The following CRK variants were observed in gnomAD, a reference collection of about 807,000 sequenced individuals.
CRK encodes the protein CRK proto-oncogene, adaptor protein.
Under a neutral mutation model 29.8 loss-of-function variants are expected in CRK, and 4 were observed. That is an observed-to-expected ratio of 0.13 (90% confidence interval 0.07 to 0.31). The LOEUF (loss-of-function observed/expected upper bound fraction) is 0.31, where lower values mean the gene tolerates loss of function less well. Ranked by LOEUF, CRK falls within the 10% of genes least tolerant of loss-of-function variation. The probability of loss-of-function intolerance (pLI) is 1.00; values close to 1 mark genes in which losing one functional copy is unlikely to be tolerated. For synonymous variants in CRK, 153 were observed against 164.9 expected (o/e 0.93, Z 0.55); for missense variants, 274 against 396.5 (o/e 0.69, Z 2.62).
intron 2 of CRK, among the ~76,000 whole-genome samples, chr17:1,430,518 G>A (rs562007947): frequency 1.0e-4 from 15 of 149,422 alleles, no homozygotes; most frequent in East Asian, 4.0e-4. Flanking sequence ...CACCACGTCC[G>A]GCTAATTTTT....
chr17:1,453,594 C>A (rs2074034846), intron 1 of CRK, among the ~76,000 whole-genome samples: 1 of 152,154 alleles, frequency 6.6e-6, no homozygotes, highest in Non-Finnish European at 1.5e-5. Flanking sequence ...CTTATAGACC[C>A]CATACTCATT....
In CRK at chr17:1,436,782, C is replaced by T. The variant is rs780378761; in HGVS notation, c.615G>A (p.Gln205=). 8.6e-5 allele frequency: 136 copies of T among 1,583,800 alleles called. No individual in the cohort carries two copies. The highest frequency in any genetic ancestry group is 1.1e-4 in the Non-Finnish European group (133 of 1,167,202). ...CCAGTGGCTGTGGGTGGGAACCCTC[C>T]TGGTTACCTCCAATCAGAGCCGATA... ...ASVSALIGGN[Q]EGSHPQPLGG... The change falls in exon 2 of 3, where the codon CAG becomes CAA. Residue 205 remains glutamine, a synonymous_variant. Coordinates refer to ENST00000300574, the MANE Select transcript of CRK (RefSeq NM_016823.4).
At chr17:1,454,880 T>C (rs982273439) in intron 1 of CRK, among the ~76,000 whole-genome samples, 5 of 152,124 alleles carry the variant, frequency 3.3e-5, no homozygotes, top group Non-Finnish European at 7.3e-5. Context: ...GGTAAGACAG[T>C]CAATCTCAGG....
At chr17:1,427,030 CAAAAAAAA>C (rs562515421) in intron 2 of CRK, among the ~76,000 whole-genome samples, 5 of 35,300 alleles carry the variant, frequency 1.4e-4, no homozygotes, top group African/African-American at 4.5e-4. Context: ...AAACTGTCTC[CAAAAAAAA>C]AAAAAAAAAA....
chr17:1,432,147 C>T (rs933749155), intron 2 of CRK, among the ~76,000 whole-genome samples: 5 of 152,148 alleles, frequency 3.3e-5, no homozygotes, highest in Admixed American at 1.3e-4. Flanking sequence ...GAGCTTCTTA[C>T]AGCTCTGTGG....
intron 2 of CRK, among the ~76,000 whole-genome samples, chr17:1,430,866 G>C (rs2073837629): frequency 6.6e-6 from 1 of 151,368 alleles, no homozygotes; most frequent in Non-Finnish European, 1.5e-5. Context: ...AGCAGATCGA[G>C]ACCATCCTGG....
chr17:1,442,260 T>C (rs2073941087), intron 1 of CRK, among the ~76,000 whole-genome samples: 1 of 151,540 alleles, frequency 6.6e-6, no homozygotes, highest in Non-Finnish European at 1.5e-5. Context: ...GCTCTAGTAA[T>C]CCTCCCACCT....
At chr17:1,450,874 G>GA (rs1176853106) in intron 1 of CRK, among the ~76,000 whole-genome samples, 2 of 151,450 alleles carry the variant, frequency 1.3e-5, no homozygotes, top group Admixed American at 1.3e-4. Context: ...CAACAAGAGC[G>GA]AAACTCCCTC....
chr17:1,456,232 T>G lies in CRK; in HGVS notation c.-115A>C. ...TTCAGCTTCACAGCAGCGCCCGAAA[T>G]GGCGGCGGCAGCCGCGGGCCTCCCC... On this transcript the variant is annotated 5_prime_UTR_variant, in exon 1 of 3. Coordinates refer to ENST00000300574, the MANE Select transcript of CRK (RefSeq NM_016823.4). 7.8e-7 allele frequency: 1 copy of G among 1,277,824 alleles called. No homozygotes were observed. Among genetic ancestry groups the G allele is most frequent in the Non-Finnish European group, 9.9e-7 (1 of 1,010,574 alleles). 79.2% of individuals were successfully genotyped at this position (1,277,824 alleles called of 1,614,324 possible). A position where few individuals can be genotyped will look rare whatever the true frequency, so the allele number is the denominator to read the frequency against.
chr17:1,420,752 T>C lies in CRK; in HGVS notation c.*2761A>G, dbSNP rs2073715555. 6.6e-6 allele frequency: 1 copy of C among 152,160 alleles called. No homozygotes were observed. The highest frequency in any genetic ancestry group is 1.5e-5 in the Non-Finnish European group (1 of 68,030). 9.4% of individuals were successfully genotyped at this position (152,160 alleles called of 1,614,324 possible). A position where few individuals can be genotyped will look rare whatever the true frequency, so the allele number is the denominator to read the frequency against. On this transcript the variant is annotated 3_prime_UTR_variant, in exon 3 of 3. Transcript: ENST00000300574. ...CCATATTTTTATTTACTACATATAC[T>C]ATAAACATATACAATACATGCTACC...
intron 2 of CRK, among the ~76,000 whole-genome samples, chr17:1,436,088 G>A (rs1011317173): frequency 2.0e-5 from 3 of 152,182 alleles, no homozygotes; most frequent in African/African-American, 7.2e-5. Flanking sequence ...TCCTCGGAAT[G>A]AGGACTTCTG....
Position 1,422,942 on chromosome 17 carries a change from C to G in CRK, c.*571G>C. 1 of 398,974 alleles carries G rather than the reference C, an allele frequency of 2.5e-6. No homozygotes were observed. Among genetic ancestry groups the G allele is most frequent in the Non-Finnish European group, 4.4e-6 (1 of 226,096 alleles). 24.7% of individuals were successfully genotyped at this position (398,974 alleles called of 1,614,324 possible). On this transcript the variant is annotated 3_prime_UTR_variant, in exon 3 of 3. Transcript: ENST00000300574. ...AAGAATCCCAAGAAAAAGTATGAAG[C>G]ATTGACTAGGAGGGAACAAATGCTT...
chr17:1,438,725 GTGGCCCTACATACCA>G (rs2150906838), intron 1 of CRK, among the ~76,000 whole-genome samples: 1 of 152,186 alleles, frequency 6.6e-6, no homozygotes, highest in East Asian at 1.9e-4. Context: ...AGTGTGTATG[GTGGCCCTACATACCA>G]TAGTTCAGAA....
chr17:1,448,081 G>C (rs7222181), intron 1 of CRK, among the ~76,000 whole-genome samples: 2,102 of 152,178 alleles, frequency 0.014, 45 homozygotes, highest in African/African-American at 0.047. Flanking sequence ...GGCGGAACTT[G>C]CAGTGAGCAG....
intron 2 of CRK, 66 bp downstream of exon 2, chr17:1,436,554 C>A: frequency 6.6e-7 from 1 of 1,509,924 alleles, no homozygotes; most frequent in Non-Finnish European, 8.9e-7. Flanking sequence ...TGCTACAAAG[C>A]TCTAAGAGGA....
intron 1 of CRK, among the ~76,000 whole-genome samples, chr17:1,453,320 A>T (rs1159450562): frequency 6.6e-6 from 1 of 152,216 alleles, no homozygotes; most frequent in Admixed American, 6.6e-5. Flanking sequence ...TTATGCTAAG[A>T]TATGAAAAAA....
chr17:1,442,873 C>A (rs1410338097), intron 1 of CRK, among the ~76,000 whole-genome samples: 1 of 151,402 alleles, frequency 6.6e-6, no homozygotes, highest in Admixed American at 6.6e-5. Flanking sequence ...TCCAAAAGTG[C>A]TGGGATGACA....
intron 1 of CRK, among the ~76,000 whole-genome samples, chr17:1,441,429 A>C (rs573408994): frequency 1.7e-4 from 26 of 152,236 alleles, no homozygotes; most frequent in Non-Finnish European, 1.0e-4. Context: ...CCTGGGCTCA[A>C]GATATTCTCC....
chr17:1,422,917 A>T lies in CRK; in HGVS notation c.*596T>A. The T allele has an allele frequency of 2.5e-6, 1 of 399,036 alleles. No homozygotes were observed. The highest frequency in any genetic ancestry group is 4.4e-6 in the Non-Finnish European group (1 of 226,124). 24.7% of individuals were successfully genotyped at this position (399,036 alleles called of 1,614,324 possible). A position where few individuals can be genotyped will look rare whatever the true frequency, so the allele number is the denominator to read the frequency against. On this transcript the variant is annotated 3_prime_UTR_variant, in exon 3 of 3. Coordinates refer to ENST00000300574, the MANE Select transcript of CRK (RefSeq NM_016823.4). The stretch of plus-strand genomic sequence containing the variant: ...GGGGGACAAGAATGTCAAGGGCTAA[A>T]AGAATCCCAAGAAAAAGTATGAAGC...
Sources: allele counts gnomAD v4.1 joint callset (sites outside exome capture counted in the v4.1 genomes callset), GRCh38; gene constraint gnomAD v4.1.1; transcripts MANE v1.5; gene names NCBI Gene and HGNC (gene_info 2026-07-23, HGNC 2026-07-21).